The following CDC42SE2 variants were observed in gnomAD, a reference collection of about 807,000 sequenced individuals.
CDC42SE2 encodes CDC42 small effector 2.
Under a neutral mutation model 11.5 loss-of-function variants are expected in CDC42SE2, and 3 were observed. That is an observed-to-expected ratio of 0.26 (90% CI 0.12 to 0.67). CDC42SE2 has a LOEUF of 0.67. Ranked by LOEUF, CDC42SE2 falls within the 30% of genes least tolerant of loss-of-function variation. CDC42SE2 has a pLI of 0.80. For synonymous variants in CDC42SE2, 33 were observed against 34.8 expected, an observed-to-expected ratio of 0.95 and a Z score of 0.18; for missense variants, 82 against 106.8, an observed-to-expected ratio of 0.77 and a Z score of 1.02.
At chr5:131,332,981 C>T (rs1580759507) in intron 2 of CDC42SE2, among the ~76,000 whole-genome samples, 1 of 152,120 alleles carries the variant, frequency 6.6e-6, no homozygotes, top group African/African-American at 2.4e-5. Context: ...AATTAGATCC[C>T]ATTTATCAAT....
chr5:131,271,241 T>C (rs1756989237), intron 1 of CDC42SE2, among the ~76,000 whole-genome samples: 1 of 152,178 alleles, frequency 6.6e-6, no homozygotes, highest in Non-Finnish European at 1.5e-5. Context: ...CCATGCTTTA[T>C]TGAGGATATT....
intron 2 of CDC42SE2, among the ~76,000 whole-genome samples, chr5:131,346,803 C>G (rs1758857341): frequency 6.6e-6 from 1 of 152,198 alleles, no homozygotes; most frequent in African/African-American, 2.4e-5. Flanking sequence ...AACAAACTGT[C>G]TCTCAGACCA....
the CDC42SE2 span, among the ~76,000 whole-genome samples, chr5:131,216,158 T>C: frequency 1.3e-5 from 2 of 152,174 alleles, no homozygotes; most frequent in Admixed American, 1.3e-4. Flanking sequence ...TTAGGCCAAT[T>C]TCTGACATTC....
chr5:131,363,623 C>A (rs1749773853), intron 3 of CDC42SE2, among the ~76,000 whole-genome samples: 1 of 151,364 alleles, frequency 6.6e-6, no homozygotes, highest in Non-Finnish European at 1.5e-5. Flanking sequence ...GTGATCCACC[C>A]TCCTCGACCT....
intron 1 of CDC42SE2, among the ~76,000 whole-genome samples, chr5:131,308,257 A>G (rs928203809): frequency 8.7e-4 from 132 of 152,032 alleles, no homozygotes; most frequent in South Asian, 1.5e-3. Context: ...ATAGTTGTAG[A>G]TATGCGGCGT....
chr5:131,298,926 G>T (rs1757627342), intron 1 of CDC42SE2, among the ~76,000 whole-genome samples: 1 of 152,124 alleles, frequency 6.6e-6, no homozygotes, highest in Non-Finnish European at 1.5e-5. Flanking sequence ...AAGGTACAAG[G>T]TATATTGGAA....
the CDC42SE2 span, among the ~76,000 whole-genome samples, chr5:131,213,344 C>T: frequency 6.6e-6 from 1 of 152,130 alleles, no homozygotes; most frequent in Non-Finnish European, 1.5e-5. Context: ...AAAATTAAAT[C>T]TCATACATAA....
the CDC42SE2 span, among the ~76,000 whole-genome samples, chr5:131,234,735 C>A: frequency 0.01 from 1,577 of 151,986 alleles, 29 homozygotes; most frequent in African/African-American, 0.036. Flanking sequence ...CCAAAAAGTT[C>A]TTGCCTTCTA....
At chr5:131,316,406 C>T (rs1489517258) in intron 2 of CDC42SE2, among the ~76,000 whole-genome samples, 1 of 152,088 alleles carries the variant, frequency 6.6e-6, no homozygotes, top group Non-Finnish European at 1.5e-5. Flanking sequence ...AGTCCGAGGC[C>T]TGAAATACTG....
At chr5:131,221,227 A>C in the CDC42SE2 span, among the ~76,000 whole-genome samples, 1 of 152,166 alleles carries the variant, frequency 6.6e-6, no homozygotes, top group South Asian at 2.1e-4. Context: ...GGCCACATGC[A>C]GCACAGGATG....
intron 1 of CDC42SE2, among the ~76,000 whole-genome samples, chr5:131,275,179 G>A (rs149098188): frequency 6.6e-6 from 1 of 152,010 alleles, no homozygotes; most frequent in African/African-American, 2.4e-5. Flanking sequence ...TAGGGTGACA[G>A]CACCTTAAAA....
rs78077268 is a variant in CDC42SE2 at position 131,359,881 on chromosome 5, G to T, written c.54+334G>T. On this transcript the variant is annotated intron_variant, in intron 3 of 4. Coordinates refer to ENST00000505065, the MANE Select transcript of CDC42SE2 (RefSeq NM_001375635.1). ...CAGCCTTGGAAGTCAGTGGGTGGAAGATGTGACAGCCATATTGCCATCATA... is the reference window on the plus strand; with the variant it reads ...CAGCCTTGGAAGTCAGTGGGTGGAATATGTGACAGCCATATTGCCATCATA... Among the ~76,000 whole-genome samples the T allele has an allele frequency of 4.7e-3, 716 of 152,168 alleles. 10 individuals carry two copies. The highest frequency in any genetic ancestry group is 0.016 in the African/African-American group (680 of 41,522).
intron 3 of CDC42SE2, among the ~76,000 whole-genome samples, chr5:131,383,385 A>AAGAC (rs893282833): frequency 6.6e-6 from 1 of 152,354 alleles, no homozygotes; most frequent in East Asian, 1.9e-4. Flanking sequence ...AGGGCCCCAA[A>AAGAC]AGACAGACAG....
intron 1 of CDC42SE2, among the ~76,000 whole-genome samples, chr5:131,291,251 G>A (rs1757452699): frequency 6.6e-6 from 1 of 151,850 alleles, no homozygotes. Context: ...TTTTAAAAAA[G>A]GACTTATTCA....
At chr5:131,279,777 T>A (rs1468951333) in intron 1 of CDC42SE2, among the ~76,000 whole-genome samples, 1 of 152,112 alleles carries the variant, frequency 6.6e-6, no homozygotes, top group African/African-American at 2.4e-5. Flanking sequence ...TGTTTAAAAA[T>A]TGAACTCTGA....
chr5:131,280,231 C>T (rs1757210460), intron 1 of CDC42SE2, among the ~76,000 whole-genome samples: 1 of 152,172 alleles, frequency 6.6e-6, no homozygotes, highest in Non-Finnish European at 1.5e-5. Context: ...TATGCACACA[C>T]ACAAACTGTA....
At chr5:131,284,943 C>T (rs1371142579) in intron 1 of CDC42SE2, among the ~76,000 whole-genome samples, 1 of 151,664 alleles carries the variant, frequency 6.6e-6, no homozygotes, top group East Asian at 1.9e-4. Context: ...TTGCTTGAGC[C>T]AAAGGACTTG....
chr5:131,285,656 A>C (rs981712680), intron 1 of CDC42SE2, among the ~76,000 whole-genome samples: 3 of 152,218 alleles, frequency 2.0e-5, no homozygotes, highest in African/African-American at 7.2e-5. Context: ...TTAGGCAGAA[A>C]GATATCTTAT....
intron 2 of CDC42SE2, among the ~76,000 whole-genome samples, chr5:131,316,606 T>G (rs1283629893): frequency 6.6e-6 from 1 of 152,150 alleles, no homozygotes. Flanking sequence ...CTTTCTTGCT[T>G]TTGTGAAAAG....
Sources: gnomAD v4.1 joint callset for allele counts (sites outside exome capture counted in the v4.1 genomes callset) on GRCh38, gnomAD v4.1.1 for gene constraint, MANE v1.5 for transcripts, NCBI Gene and HGNC (gene_info 2026-07-23, HGNC 2026-07-21) for gene names.